The following GRID2 variants were observed in gnomAD, a reference collection of about 807,000 sequenced individuals.
GRID2 encodes glutamate receptor ionotropic, delta-2.
GRID2 carries 33 observed loss-of-function variants against 114.8 expected under a neutral mutation model. The observed-to-expected ratio is 0.29, with a 90% confidence interval of 0.22 to 0.38. The LOEUF (loss-of-function observed/expected upper bound fraction) is 0.38, where lower values mean the gene tolerates loss of function less well. Ranked by LOEUF, GRID2 falls within the 10% of genes least tolerant of loss-of-function variation. The pLI is 1.00. For missense variants in GRID2, 1,184 were observed against 1,257.7 expected (o/e 0.94, Z 0.89); for synonymous variants, 505 against 449.9 (o/e 1.12, Z -1.55).
chr4:93,646,881 A>G lies in GRID2; in HGVS notation c.2360+20446A>G, dbSNP rs532253775. 3.9e-5 allele frequency among the ~76,000 whole-genome samples: 6 copies of G among 152,308 alleles called. No individual in the cohort carries two copies. In the South Asian group the frequency reaches 1.2e-3, roughly 32 times the overall value. On this transcript the variant is annotated intron_variant, in intron 14 of 15. Transcript: ENST00000282020. ...TCTGAACAAATAAATGGATGATGGTATCATTAACTGAACTGGTCAAGCATG... is the reference window on the plus strand; with the variant it reads ...TCTGAACAAATAAATGGATGATGGTGTCATTAACTGAACTGGTCAAGCATG...
chr4:92,378,337 A>G (rs1019996619), intron 1 of GRID2, among the ~76,000 whole-genome samples: 1 of 152,118 alleles, frequency 6.6e-6, no homozygotes, highest in African/African-American at 2.4e-5. Flanking sequence ...GTTGTCATAT[A>G]AAGGATTGAC....
intron 14 of GRID2, among the ~76,000 whole-genome samples, chr4:93,691,937 G>C (rs1295345171): frequency 6.6e-6 from 1 of 151,942 alleles, no homozygotes; most frequent in Non-Finnish European, 1.5e-5. Context: ...GTGTATGTAT[G>C]TGTGATTATA....
intron 11 of GRID2, among the ~76,000 whole-genome samples, chr4:93,489,499 AT>A (rs1041020086): frequency 7.9e-5 from 12 of 152,036 alleles, no homozygotes; most frequent in African/African-American, 2.9e-4. Flanking sequence ...TGATAGGGGA[AT>A]CCCATTGATC....
chr4:92,945,453 A>T (rs1016135045), intron 2 of GRID2, among the ~76,000 whole-genome samples: 2 of 152,156 alleles, frequency 1.3e-5, no homozygotes, highest in Non-Finnish European at 2.9e-5. Context: ...GTCTAGAAAA[A>T]TGTGGCTAGG....
chr4:93,429,253 C>A (rs1691035356), intron 10 of GRID2, among the ~76,000 whole-genome samples: 1 of 152,066 alleles, frequency 6.6e-6, no homozygotes, highest in Non-Finnish European at 1.5e-5. Context: ...TTGCAGATTC[C>A]CATCCCTATA....
intron 14 of GRID2, among the ~76,000 whole-genome samples, chr4:93,763,969 AT>A (rs1368842300): frequency 1.3e-5 from 2 of 152,194 alleles, no homozygotes; most frequent in African/African-American, 2.4e-5. Context: ...CAGCGATGGT[AT>A]TTAAGGACAA....
intron 1 of GRID2, 119 bp downstream of exon 1, chr4:92,304,863 T>C: frequency 2.7e-6 from 2 of 742,142 alleles, no homozygotes; most frequent in Non-Finnish European, 4.8e-6. Context: ...TTCAGTTCAT[T>C]GCCCCTTCCC....
chr4:93,805,033 AC>A (rs1735004462), intron 1 of GRID2, among the ~76,000 whole-genome samples: 1 of 152,206 alleles, frequency 6.6e-6, no homozygotes, highest in African/African-American at 2.4e-5. Context: ...TTTCCAAAGT[AC>A]CTAGCTTAAT....
In GRID2 at chr4:92,464,993, C is replaced by T. The variant is rs921036334; in HGVS notation, c.89-125138C>T. On this transcript the variant is annotated intron_variant, in intron 1 of 15. Coordinates refer to ENST00000282020, the MANE Select transcript of GRID2 (RefSeq NM_001510.4). Reference sequence around the variant, plus strand: ...TGTGTAGCGTTTCCCTCTTCACTCTCTCTCTCTTGCTCTGCCATGTGAAGA... The same window carrying T: ...TGTGTAGCGTTTCCCTCTTCACTCTTTCTCTCTTGCTCTGCCATGTGAAGA... Among the ~76,000 whole-genome samples, 76 of 152,212 alleles carry T rather than the reference C, an allele frequency of 5.0e-4. 1 individual carries two copies. Among genetic ancestry groups the T allele is most frequent in the African/African-American group, 1.7e-3 (70 of 41,548 alleles).
intron 4 of GRID2, among the ~76,000 whole-genome samples, chr4:93,151,133 A>AAAAAAG (rs1736703799): frequency 6.6e-6 from 1 of 151,286 alleles, no homozygotes; most frequent in Non-Finnish European, 1.5e-5. Flanking sequence ...AAAAAAAAAA[A>AAAAAAG]AAAGAAAGAA....
chr4:93,039,307 G>A (rs565455116), intron 2 of GRID2, among the ~76,000 whole-genome samples: 11 of 151,784 alleles, frequency 7.2e-5, no homozygotes, highest in Middle Eastern at 3.4e-3. Context: ...ATCACACAGC[G>A]GGGCCTGTCT....
chr4:92,484,717 T>C (rs1019498815), intron 1 of GRID2, among the ~76,000 whole-genome samples: 23 of 152,216 alleles, frequency 1.5e-4, no homozygotes, highest in African/African-American at 5.5e-4. Flanking sequence ...GTTCAGTAGA[T>C]ATTGAGATAG....
At chr4:93,545,125 A>G (rs1733082693) in intron 13 of GRID2, among the ~76,000 whole-genome samples, 1 of 152,122 alleles carries the variant, frequency 6.6e-6, no homozygotes, top group Non-Finnish European at 1.5e-5. Flanking sequence ...CTTGTGATAC[A>G]GTGGTGAATA....
intron 11 of GRID2, among the ~76,000 whole-genome samples, chr4:93,466,597 G>A (rs1442526281): frequency 6.6e-6 from 1 of 152,104 alleles, no homozygotes; most frequent in African/African-American, 2.4e-5. Context: ...ACCATGGAAA[G>A]GGGCAGTAAC....
chr4:92,957,145 C>G (rs1274150113), intron 2 of GRID2, among the ~76,000 whole-genome samples: 1 of 152,016 alleles, frequency 6.6e-6, no homozygotes, highest in East Asian at 1.9e-4. Flanking sequence ...AGCAGAAATT[C>G]TTAATTTTAA....
At chr4:93,722,667 T>G (rs910736715) in intron 14 of GRID2, among the ~76,000 whole-genome samples, 4 of 152,218 alleles carry the variant, frequency 2.6e-5, no homozygotes, top group Non-Finnish European at 5.9e-5. Context: ...TATGGATCAC[T>G]TCCTGAGAGT....
intron 2 of GRID2, among the ~76,000 whole-genome samples, chr4:92,805,340 C>T (rs1365147145): frequency 6.6e-6 from 1 of 151,846 alleles, no homozygotes; most frequent in Admixed American, 6.6e-5. Context: ...TTGTTCCCAA[C>T]ACCAAAATTC....
chr4:92,921,728 C>G (rs879367635), intron 2 of GRID2, among the ~76,000 whole-genome samples: 3 of 152,174 alleles, frequency 2.0e-5, no homozygotes, highest in Non-Finnish European at 4.4e-5. Context: ...AGAGGAGTAC[C>G]TGGCCGTGTG....
At chr4:93,779,606 A>G (rs1734439577) in intron 1 of GRID2, among the ~76,000 whole-genome samples, 1 of 152,246 alleles carries the variant, frequency 6.6e-6, no homozygotes, top group Non-Finnish European at 1.5e-5. Context: ...AGACATGAAT[A>G]TAAATTACAC....
Sources: gnomAD v4.1 joint callset for allele counts (sites outside exome capture counted in the v4.1 genomes callset) on GRCh38, gnomAD v4.1.1 for gene constraint, MANE v1.5 for transcripts, NCBI Gene and HGNC (gene_info 2026-07-23, HGNC 2026-07-21) for gene names.